Variants in KCNK5 observed in about 807,000 individuals in gnomAD.
The protein encoded by KCNK5 is potassium channel subfamily K member 5.
In KCNK5, 18 loss-of-function variants were observed where a neutral mutation model predicts 32.9. That is an observed-to-expected ratio of 0.55 (90% confidence interval 0.38 to 0.81). KCNK5 has a LOEUF of 0.81. Among genes scored for constraint, KCNK5 ranks in the 30% least tolerant of loss-of-function variants. The pLI, the probability that KCNK5 is intolerant of heterozygous loss-of-function variation, is 0.00. For missense variants in KCNK5, 507 were observed against 651.0 expected, an observed-to-expected ratio of 0.78 and a Z score of 2.41; for synonymous variants, 276 against 275.3, an observed-to-expected ratio of 1.00 and a Z score of -0.03.
intron 1 of KCNK5, among the ~76,000 whole-genome samples, chr6:39,205,290 T>C (rs540069941): frequency 8.5e-5 from 13 of 152,284 alleles, no homozygotes; most frequent in Admixed American, 8.5e-4. Context: ...AGCACTGCTG[T>C]GTGCCTGAGA....
intron 1 of KCNK5, among the ~76,000 whole-genome samples, chr6:39,221,626 C>T (rs776661879): frequency 2.0e-4 from 30 of 152,192 alleles, no homozygotes; most frequent in Non-Finnish European, 1.6e-4. Flanking sequence ...ATTCATCTCT[C>T]GCCCTGGTGC....
At chr6:39,208,376 T>C (rs530075659) in intron 1 of KCNK5, among the ~76,000 whole-genome samples, 5 of 152,202 alleles carry the variant, frequency 3.3e-5, no homozygotes, top group Non-Finnish European at 4.4e-5. Context: ...GGGAGCTCAT[T>C]CAAGGAGCTG....
At chr6:39,198,395 G>A (rs1771064708) in intron 1 of KCNK5, among the ~76,000 whole-genome samples, 1 of 152,204 alleles carries the variant, frequency 6.6e-6, no homozygotes, top group African/African-American at 2.4e-5. Flanking sequence ...AATCCAATGT[G>A]CAGTGGATGC....
chr6:39,201,234 G>T (rs180711301), intron 1 of KCNK5, among the ~76,000 whole-genome samples: 1 of 150,982 alleles, frequency 6.6e-6, no homozygotes, highest in Non-Finnish European at 1.5e-5. Flanking sequence ...ATTCCCAGCT[G>T]CATCAATTCT....
intron 1 of KCNK5, among the ~76,000 whole-genome samples, 154 bp from the exon 2 acceptor site, chr6:39,196,141 G>A (rs1771027211): frequency 6.6e-6 from 1 of 152,176 alleles, no homozygotes; most frequent in Non-Finnish European, 1.5e-5. Context: ...ATTGTATAGA[G>A]GATCAGAGAG....
chr6:39,225,900 T>G (rs80199911), intron 1 of KCNK5, among the ~76,000 whole-genome samples: 1 of 152,170 alleles, frequency 6.6e-6, no homozygotes, highest in Non-Finnish European at 1.5e-5. Flanking sequence ...CTTGAATACA[T>G]ACTGTAAAGA....
intron 1 of KCNK5, among the ~76,000 whole-genome samples, chr6:39,226,856 C>G (rs1583725308): frequency 6.6e-6 from 1 of 152,148 alleles, no homozygotes; most frequent in South Asian, 2.1e-4. Context: ...TTTCTTTGGC[C>G]GGGGATGAGG....
In KCNK5 at chr6:39,191,654, C is replaced by T; in HGVS notation, c.736G>A (p.Val246Met). 1 of 1,614,020 alleles carries T rather than the reference C, an allele frequency of 6.2e-7. No homozygotes were observed. Among genetic ancestry groups the T allele is most frequent in the East Asian group, 2.2e-5 (1 of 44,840 alleles). Reference sequence around the variant, plus strand: ...TTGTGGACTTCCACAAACATGCTCACCTTCCAGTTGACAAAAAGGGACAGC... The same window carrying T: ...TTGTGGACTTCCACAAACATGCTCATCTTCCAGTTGACAAAAAGGGACAGC... ...AWLSLFVNWK[V>M]SMFVEVHKAI... The change falls in exon 5 of 5, where the codon GTG becomes ATG. Residue 246 changes from valine to methionine, a missense_variant. By Grantham distance (21) the Val-to-Met change is conservative. This residue lies in a region of KCNK5 where 45 missense variants were observed against 107.6 expected (regional missense o/e 0.42). Coordinates refer to ENST00000359534, the MANE Select transcript of KCNK5 (RefSeq NM_003740.4). The surrounding 1 kb of genome is among the most constrained non-coding windows in gnomAD (Gnocchi z 5.8).
At chr6:39,205,043 C>T (rs1284591956) in intron 1 of KCNK5, among the ~76,000 whole-genome samples, 1 of 152,214 alleles carries the variant, frequency 6.6e-6, no homozygotes, top group Non-Finnish European at 1.5e-5. Flanking sequence ...ACGGTAATCC[C>T]CCAGGGCAGG....
intron 1 of KCNK5, among the ~76,000 whole-genome samples, chr6:39,225,332 T>C (rs908867373): frequency 1.3e-5 from 2 of 152,240 alleles, no homozygotes; most frequent in African/African-American, 4.8e-5. Context: ...CCCAGACAAG[T>C]TACACTGGCT....
At chr6:39,205,176 G>A (rs551939049) in intron 1 of KCNK5, among the ~76,000 whole-genome samples, 1 of 152,308 alleles carries the variant, frequency 6.6e-6, no homozygotes, top group Non-Finnish European at 1.5e-5. Flanking sequence ...GAATGTCAGC[G>A]TGAGCTCTCA....
rs116201760 is a variant in KCNK5 at position 39,196,725 on chromosome 6, G to A, written c.187-738C>T. Reference sequence around the variant, plus strand: ...GTAGCCCTTTCTCTCTCTGCCCTGGGCTGAGCAGCTGTCTGGGAAGGGACA... The same window carrying A: ...GTAGCCCTTTCTCTCTCTGCCCTGGACTGAGCAGCTGTCTGGGAAGGGACA... On this transcript the variant is annotated intron_variant, in intron 1 of 4. Coordinates refer to ENST00000359534, the MANE Select transcript of KCNK5 (RefSeq NM_003740.4). 4.6e-5 allele frequency among the ~76,000 whole-genome samples: 7 copies of A among 152,314 alleles called. No homozygotes were observed. The South Asian group carries it at 1.4e-3, about 32-fold the overall frequency.
intron 1 of KCNK5, among the ~76,000 whole-genome samples, chr6:39,224,843 C>T (rs1405652640): frequency 6.6e-6 from 1 of 152,138 alleles, no homozygotes. Flanking sequence ...GGGCCACTCT[C>T]CATCTTCTGT....
In KCNK5 at chr6:39,194,230, G is replaced by A. The variant is rs994568511; in HGVS notation, c.573C>T (p.Ile191=). 6 of 1,613,992 alleles carry A rather than the reference G, an allele frequency of 3.7e-6. No individual in the cohort carries two copies. Among genetic ancestry groups the A allele is most frequent in the Middle Eastern group, 3.3e-4 (2 of 6,084 alleles). ...TGATGAAGGAGTAGTAGAGGCCCTC[G>A]ATGTAGTTCCACCCCTCAGTCACCA... is the stretch of plus-strand genomic sequence containing the variant. The part of the protein sequence containing the change: ...VFMVTEGWNY[I]EGLYYSFITI... The change falls in exon 4 of 5, where the codon ATC becomes ATT. Residue 191 remains isoleucine (I), a synonymous_variant. Coordinates refer to ENST00000359534, the MANE Select transcript of KCNK5 (RefSeq NM_003740.4). This position sits in a 1 kb window ranked among gnomAD's most constrained non-coding sequence, Gnocchi z 4.7.
At chr6:39,210,114 C>T (rs1771305699) in intron 1 of KCNK5, among the ~76,000 whole-genome samples, 1 of 152,142 alleles carries the variant, frequency 6.6e-6, no homozygotes, top group African/African-American at 2.4e-5. Context: ...AGGCCCTATG[C>T]CTCACACAGC....
At chr6:39,217,914 C>T (rs577608866) in intron 1 of KCNK5, among the ~76,000 whole-genome samples, 1 of 152,266 alleles carries the variant, frequency 6.6e-6, no homozygotes, top group Non-Finnish European at 1.5e-5. Flanking sequence ...CAACTTTTGC[C>T]TCTTATCTGG....
intron 1 of KCNK5, among the ~76,000 whole-genome samples, chr6:39,213,278 C>T (rs1048621768): frequency 6.6e-6 from 1 of 152,174 alleles, no homozygotes; most frequent in African/African-American, 2.4e-5. Context: ...AAAAGCAATA[C>T]AACCACATTA....
intron 1 of KCNK5, among the ~76,000 whole-genome samples, chr6:39,207,292 T>C (rs1771244782): frequency 6.6e-6 from 1 of 152,228 alleles, no homozygotes; most frequent in Non-Finnish European, 1.5e-5. Context: ...GGCTTCCTAG[T>C]TATCTACCCT....
At chr6:39,192,059 C>T (rs1360227645) in intron 4 of KCNK5, among the ~76,000 whole-genome samples, 1 of 151,964 alleles carries the variant, frequency 6.6e-6, no homozygotes, top group Non-Finnish European at 1.5e-5. Flanking sequence ...TTTGGGAGGT[C>T]AAGGCAGGTG....
Sources: gnomAD v4.1 joint callset for allele counts (sites outside exome capture counted in the v4.1 genomes callset) on GRCh38, gnomAD v4.1.1 for gene constraint, gnomAD v4.1.1 regional missense constraint, Gnocchi (gnomAD v3.1) non-coding constraint, MANE v1.5 for transcripts, NCBI Gene and HGNC (gene_info 2026-07-23, HGNC 2026-07-21) for gene names.